CDH4: variants seen among roughly 807,000 people sequenced by gnomAD.
The protein encoded by CDH4 is cadherin 4, also known as cadherin-4.
Under a neutral mutation model 86.0 loss-of-function variants are expected in CDH4, and 33 were observed. The ratio of observed to expected loss-of-function variants is 0.38; its 90% CI spans 0.29 to 0.51. CDH4 has a LOEUF of 0.51. Ranked by LOEUF, CDH4 falls within the 20% of genes least tolerant of loss-of-function variation. CDH4 has a pLI of 0.86. For missense variants in CDH4, 1,114 were observed against 1,307.4 expected (o/e 0.85, Z 2.28); for synonymous variants, 555 against 549.4 (o/e 1.01, Z -0.14).
intron 6 of CDH4, among the ~76,000 whole-genome samples, chr20:61,868,748 G>A (rs954315237): frequency 1.3e-5 from 1 of 74,790 alleles, no homozygotes; most frequent in Non-Finnish European, 3.3e-5. Context: ...TCCCTGGCCA[G>A]CTGGGTGCTT....
At chr20:61,798,474 G>T (rs1223924756) in intron 4 of CDH4, among the ~76,000 whole-genome samples, 2 of 152,190 alleles carry the variant, frequency 1.3e-5, no homozygotes, top group East Asian at 3.9e-4. Flanking sequence ...TGGCCCCGGG[G>T]TGCATCGCGC....
intron 2 of CDH4, among the ~76,000 whole-genome samples, chr20:61,692,241 A>ATGTGTGTGTATG (rs1179669113): frequency 1.1e-4 from 11 of 97,422 alleles, no homozygotes; most frequent in African/African-American, 3.0e-4. Flanking sequence ...GTGTGTATGT[A>ATGTGTGTGTATG]TGTGTGTGTA....
chr20:61,886,135 C>T (rs2146173763), intron 7 of CDH4, among the ~76,000 whole-genome samples: 1 of 152,318 alleles, frequency 6.6e-6, no homozygotes, highest in East Asian at 1.9e-4. Context: ...GGGAGGCGTG[C>T]TTGCAGCCTG....
intron 2 of CDH4, among the ~76,000 whole-genome samples, chr20:61,356,911 C>G (rs1214823693): frequency 2.0e-5 from 3 of 152,146 alleles, no homozygotes; most frequent in Non-Finnish European, 2.9e-5. Flanking sequence ...CGTTTAGCCT[C>G]TTTCTCTCGG....
chr20:61,653,559 C>T (rs1410992278), intron 2 of CDH4, among the ~76,000 whole-genome samples: 3 of 130,496 alleles, frequency 2.3e-5, no homozygotes, highest in African/African-American at 5.6e-5. Flanking sequence ...GCTGGCCAGG[C>T]GGGGGCTGAC....
chr20:61,284,238 C>T (rs1306714873), intron 2 of CDH4, among the ~76,000 whole-genome samples: 1 of 151,888 alleles, frequency 6.6e-6, no homozygotes, highest in African/African-American at 2.4e-5. Context: ...TGCTTGAACC[C>T]GGGAGGCATA....
chr20:61,421,483 G>A (rs767430479), intron 2 of CDH4, among the ~76,000 whole-genome samples: 126 of 152,164 alleles, frequency 8.3e-4, no homozygotes, highest in Non-Finnish European at 1.6e-3. Flanking sequence ...ACTCATCTCC[G>A]CTATCCAAAG....
chr20:61,870,465 C>T (rs1369879817), intron 6 of CDH4, among the ~76,000 whole-genome samples: 3 of 152,162 alleles, frequency 2.0e-5, no homozygotes, highest in African/African-American at 4.8e-5. Flanking sequence ...GTACAACAGA[C>T]AGTGCCCGAT....
chr20:61,573,185 G>A (rs77060876), intron 2 of CDH4, among the ~76,000 whole-genome samples: 4,482 of 152,190 alleles, frequency 0.029, 208 homozygotes, highest in African/African-American at 0.093. Flanking sequence ...TGGGGTGGGA[G>A]CGTCCTATTT....
chr20:61,506,326 A>T (rs2085741368), intron 2 of CDH4, among the ~76,000 whole-genome samples: 2 of 152,378 alleles, frequency 1.3e-5, no homozygotes, highest in South Asian at 4.1e-4. Flanking sequence ...AACTCGAAAC[A>T]TTACGAATGC....
intron 2 of CDH4, among the ~76,000 whole-genome samples, chr20:61,558,227 G>A (rs2086191640): frequency 6.6e-6 from 1 of 152,100 alleles, no homozygotes; most frequent in African/African-American, 2.4e-5. Context: ...TCTTATCTAT[G>A]TTCAAGATAG....
At chr20:61,267,804 T>C (rs1280937344) in intron 2 of CDH4, among the ~76,000 whole-genome samples, 1 of 152,178 alleles carries the variant, frequency 6.6e-6, no homozygotes, top group Non-Finnish European at 1.5e-5. Context: ...TCTGGCGTTT[T>C]TAGAACATGC....
intron 2 of CDH4, among the ~76,000 whole-genome samples, chr20:61,611,079 G>A (rs113928417): frequency 6.6e-5 from 10 of 152,164 alleles, no homozygotes; most frequent in South Asian, 4.2e-4. Flanking sequence ...CAGGCTCTTC[G>A]GTGGGGTGGA....
chr20:61,488,677 A>G (rs1287627056), intron 2 of CDH4, among the ~76,000 whole-genome samples: 1 of 152,236 alleles, frequency 6.6e-6, no homozygotes, highest in African/African-American at 2.4e-5. Flanking sequence ...GCAGCTGCCA[A>G]TATTTGATGC....
At chr20:61,729,202 A>G (rs551688017) in intron 2 of CDH4, among the ~76,000 whole-genome samples, 12 of 152,270 alleles carry the variant, frequency 7.9e-5, no homozygotes, top group African/African-American at 1.4e-4. Context: ...ATTTGCCACT[A>G]TTATTCTCTG....
chr20:61,936,543 C>T (rs926943551), intron 15 of CDH4, among the ~76,000 whole-genome samples, 194 bp from the exon 16 acceptor site: 9 of 147,408 alleles, frequency 6.1e-5, no homozygotes, highest in Admixed American at 1.4e-4. Flanking sequence ...AACACTCCCA[C>T]GCTCCATCTT....
At chr20:61,401,626 A>G (rs1409286856) in intron 2 of CDH4, among the ~76,000 whole-genome samples, 3 of 152,176 alleles carry the variant, frequency 2.0e-5, no homozygotes, top group African/African-American at 4.8e-5. Context: ...GTTTCTTCAT[A>G]TGGTGGGCAC....
chr20:61,725,241 C>T (rs947692248), intron 2 of CDH4, among the ~76,000 whole-genome samples: 11 of 152,194 alleles, frequency 7.2e-5, no homozygotes, highest in African/African-American at 2.4e-4. Flanking sequence ...TCTGTGGCAC[C>T]GTCCACCTGC....
chr20:61,736,652 AGAGAGAGAGG>A (rs67066230), intron 2 of CDH4, among the ~76,000 whole-genome samples: 43,702 of 151,118 alleles, frequency 0.29, 6,443 homozygotes, highest in East Asian at 0.44. Context: ...GGAAGGAGAG[AGAGAGAGAGG>A]GAGAGAGAGG....
Sources: gnomAD v4.1 joint callset for allele counts (sites outside exome capture counted in the v4.1 genomes callset) on GRCh38, gnomAD v4.1.1 for gene constraint, MANE v1.5 for transcripts, NCBI Gene and HGNC (gene_info 2026-07-23, HGNC 2026-07-21) for gene names.